Variants in CYP19A1 observed in about 807,000 individuals in gnomAD.
CYP19A1 encodes aromatase.
A neutral mutation model predicts 44.4 loss-of-function variants in CYP19A1; 32 were observed. The observed-to-expected ratio is 0.72, with a 90% CI of 0.54 to 0.97. The LOEUF (loss-of-function observed/expected upper bound fraction) is 0.97. Ranked by LOEUF, CYP19A1 falls within the 50% of genes least tolerant of loss-of-function variation. The pLI, the probability that CYP19A1 is intolerant of heterozygous loss-of-function variation, is 0.00. For synonymous variants in CYP19A1, 212 were observed against 215.6 expected (o/e 0.98, Z 0.14); for missense variants, 598 against 637.8 (o/e 0.94, Z 0.67).
At chr15:51,268,158 T>C (rs1304350864) in intron 1 of CYP19A1, among the ~76,000 whole-genome samples, 1 of 152,222 alleles carries the variant, frequency 6.6e-6, no homozygotes, top group African/African-American at 2.4e-5. Flanking sequence ...ATTTAAAGTG[T>C]ACTATTTTAT....
chr15:51,250,925 G>A (rs1379774446), intron 1 of CYP19A1, among the ~76,000 whole-genome samples: 2 of 152,194 alleles, frequency 1.3e-5, no homozygotes, highest in Non-Finnish European at 2.9e-5. Context: ...TTTAACCTGA[G>A]GAAGGAAAAG....
intron 1 of CYP19A1, among the ~76,000 whole-genome samples, chr15:51,304,250 C>G (rs772066866): frequency 2.6e-5 from 4 of 152,192 alleles, no homozygotes; most frequent in Non-Finnish European, 5.9e-5. Context: ...GCTGGCCCCA[C>G]TCCCTGGTGC....
At chr15:51,330,227 G>A (rs1053563681) in intron 1 of CYP19A1, among the ~76,000 whole-genome samples, 2 of 152,244 alleles carry the variant, frequency 1.3e-5, no homozygotes, top group Admixed American at 6.5e-5. Context: ...CACATGGACC[G>A]AAGAATCGAG....
chr15:51,338,482 A>G lies in CYP19A1; in HGVS notation c.-39+13T>C, dbSNP rs1281448457. On this transcript the variant is annotated intron_variant, in intron 1 of 9. Transcript: ENST00000396402. Reference sequence around the variant, plus strand: ...CACAGGTTGAGGGCTCAGTCAGATTAAGAGATACATACGCGACGTCTGGAA... The same window carrying G: ...CACAGGTTGAGGGCTCAGTCAGATTGAGAGATACATACGCGACGTCTGGAA... 1 of 152,014 alleles carries G rather than the reference A, an allele frequency of 6.6e-6. No homozygotes were observed. The highest frequency in any genetic ancestry group is 2.4e-5 in the African/African-American group (1 of 41,370). The allele number at this position is 152,014 out of a possible 1,614,324, so 9.4% of individuals were successfully genotyped here. A position where few individuals can be genotyped will look rare whatever the true frequency, so the allele number is the denominator to read the frequency against.
At chr15:51,285,831 C>G (rs2035679187) in intron 1 of CYP19A1, among the ~76,000 whole-genome samples, 1 of 152,194 alleles carries the variant, frequency 6.6e-6, no homozygotes. Context: ...CCCACTTGAT[C>G]CGTTTTCTCT....
chr15:51,292,303 C>G (rs867991970), intron 1 of CYP19A1, among the ~76,000 whole-genome samples: 1 of 152,202 alleles, frequency 6.6e-6, no homozygotes, highest in East Asian at 1.9e-4. Flanking sequence ...TAATGTTTCT[C>G]CTTTCAGCCC....
rs1290199689 is a variant in CYP19A1, at chr15:51,221,847, A to G, written c.628+502T>C. 1.8e-5 allele frequency: 3 copies of G among 169,150 alleles called. 1 individual carries two copies. The highest frequency in any genetic ancestry group is 7.2e-5 in the African/African-American group (3 of 41,866). 10.5% of individuals were successfully genotyped at this position (169,150 alleles called of 1,614,324 possible). On this transcript the variant is annotated intron_variant, in intron 5 of 9. Coordinates refer to ENST00000396402, the MANE Select transcript of CYP19A1 (RefSeq NM_000103.4). ...AGATACTACGTTAATGGCAGCTAAT[A>G]TCGTCATTTCCATCAGCATCAGTAT... is the stretch of plus-strand genomic sequence containing the variant.
chr15:51,261,639 A>C (rs1046030330), intron 1 of CYP19A1, among the ~76,000 whole-genome samples: 1 of 152,242 alleles, frequency 6.6e-6, no homozygotes, highest in East Asian at 1.9e-4. Flanking sequence ...CTCGTGTTGC[A>C]TACAACTGGA....
intron 1 of CYP19A1, among the ~76,000 whole-genome samples, chr15:51,278,323 TGAG>T (rs1566908614): frequency 1.3e-5 from 2 of 152,190 alleles, no homozygotes; most frequent in East Asian, 3.8e-4. Flanking sequence ...AAACTGACCA[TGAG>T]GAGGAGAAAA....
intron 4 of CYP19A1, among the ~76,000 whole-genome samples, chr15:51,223,593 T>TCTCTCTCTCACACACACACACACACA (rs1356666512): frequency 3.3e-5 from 3 of 90,146 alleles, no homozygotes; most frequent in Non-Finnish European, 6.6e-5. Flanking sequence ...TCTCTCTCTC[T>TCTCTCTCTCACACACACACACACACA]CACACACACA....
rs935677025 is a variant in CYP19A1 at position 51,210,523 on chromosome 15, G to A, written c.*285C>T. On this transcript the variant is annotated 3_prime_UTR_variant, in exon 10 of 10. Coordinates refer to ENST00000396402, the MANE Select transcript of CYP19A1 (RefSeq NM_000103.4). Reference sequence around the variant, plus strand: ...TTAATGAAGGCCTATCCTTCTCAAAGCACATTTGGTGGAATCGGGTCTTTA... The same window carrying A: ...TTAATGAAGGCCTATCCTTCTCAAAACACATTTGGTGGAATCGGGTCTTTA... 3 of 582,012 alleles carry A rather than the reference G, an allele frequency of 5.2e-6. No homozygotes were observed. Among genetic ancestry groups the A allele is most frequent in the South Asian group, 4.6e-5 (3 of 65,578 alleles). The allele number at this position is 582,012 out of a possible 1,614,324, so 36.1% of individuals were successfully genotyped here.
chr15:51,325,334 C>G lies in CYP19A1; in HGVS notation c.-39+13161G>C, dbSNP rs966922863. 2.0e-5 allele frequency among the ~76,000 whole-genome samples: 3 copies of G among 152,184 alleles called. No individual in the cohort carries two copies. In the East Asian group the frequency reaches 5.8e-4, roughly 30 times the overall value. ...GTAGGAGTGGTGAGGACTGAGGAGTCTGGGAAGAAAGATCCCATTGTAAGG... is the reference window on the plus strand; with the variant it reads ...GTAGGAGTGGTGAGGACTGAGGAGTGTGGGAAGAAAGATCCCATTGTAAGG... On this transcript the variant is annotated intron_variant, in intron 1 of 9. Coordinates refer to ENST00000396402, the MANE Select transcript of CYP19A1 (RefSeq NM_000103.4).
chr15:51,328,645 C>T (rs952453551), intron 1 of CYP19A1, among the ~76,000 whole-genome samples: 2 of 151,944 alleles, frequency 1.3e-5, no homozygotes, highest in Non-Finnish European at 2.9e-5. Context: ...CATCTGATCC[C>T]CCTATTGCTC....
chr15:51,221,738 T>C (rs1379053070), intron 5 of CYP19A1: 3 of 153,380 alleles, frequency 2.0e-5, no homozygotes, highest in Admixed American at 6.4e-5. Context: ...AGTAGTCTTA[T>C]GAGTGAGACA....
intron 1 of CYP19A1, among the ~76,000 whole-genome samples, chr15:51,268,746 T>A (rs1023219030): frequency 6.6e-6 from 1 of 152,232 alleles, no homozygotes; most frequent in Non-Finnish European, 1.5e-5. Flanking sequence ...ATTCTCAGTC[T>A]TTGAATTTTA....
chr15:51,324,018 G>GA (rs1390833177), intron 1 of CYP19A1: 2 of 152,194 alleles, frequency 1.3e-5, no homozygotes, highest in Non-Finnish European at 2.9e-5. Context: ...GGGACCTGGG[G>GA]ATCTTGCTTT....
chr15:51,258,136 G>A (rs1566898989), intron 1 of CYP19A1, among the ~76,000 whole-genome samples: 2 of 152,188 alleles, frequency 1.3e-5, no homozygotes, highest in African/African-American at 2.4e-5. Flanking sequence ...ACTGCCTCTT[G>A]CTTTCTTTTC....
chr15:51,282,604 T>C (rs1002264190), intron 1 of CYP19A1, among the ~76,000 whole-genome samples: 4 of 152,186 alleles, frequency 2.6e-5, no homozygotes, highest in Non-Finnish European at 1.5e-5. Flanking sequence ...ACCCACTTTC[T>C]CTCTCAAACT....
intron 1 of CYP19A1, among the ~76,000 whole-genome samples, chr15:51,304,463 A>T (rs577414541): frequency 6.6e-6 from 1 of 152,330 alleles, no homozygotes; most frequent in African/African-American, 2.4e-5. Flanking sequence ...TGCTTTCCAG[A>T]GATAAAACTC....
Sources: gnomAD v4.1 joint callset for allele counts (sites outside exome capture counted in the v4.1 genomes callset) on GRCh38, gnomAD v4.1.1 for gene constraint, MANE v1.5 for transcripts, NCBI Gene and HGNC (gene_info 2026-07-23, HGNC 2026-07-21) for gene names.